The following TRIM51G variants were observed in gnomAD, a reference collection of about 807,000 sequenced individuals.
TRIM51G encodes the protein tripartite motif-containing protein 51G.
the TRIM51G span, chr11:48,981,400 G>A: frequency 1.9e-6 from 3 of 1,607,770 alleles, no homozygotes; most frequent in Admixed American, 1.7e-5. Context: ...CATCTCCTTT[G>A]TCTCTCTGTG....
the TRIM51G span, chr11:48,977,078 C>T: frequency 1.0e-6 from 1 of 987,176 alleles, no homozygotes; most frequent in Non-Finnish European, 1.6e-6. Context: ...AATGGGCTGA[C>T]ACTCACCTCT....
chr11:48,975,555 G>A, the TRIM51G span: 276,134 of 1,383,958 alleles, frequency 0.2, 31,334 homozygotes, highest in South Asian at 0.42. Context: ...AGCAATTAGG[G>A]ATGGTGTATA....
At chr11:48,980,922 C>T in the TRIM51G span, 3 of 492,540 alleles carry the variant, frequency 6.1e-6, no homozygotes, top group African/African-American at 5.9e-5. Context: ...GCATCTGATT[C>T]TGTTGGTTGC....
the TRIM51G span, among the ~76,000 whole-genome samples, chr11:48,976,884 T>G: frequency 6.6e-6 from 1 of 151,850 alleles, no homozygotes; most frequent in Non-Finnish European, 1.5e-5. Flanking sequence ...GCCCAGAATA[T>G]ATTTGTTTTT....
the TRIM51G span, chr11:48,978,988 T>C: frequency 1.3e-6 from 2 of 1,482,946 alleles, no homozygotes. Context: ...TGCTGAAAAA[T>C]GTCCTCGCCC....
chr11:48,980,180 G>C, the TRIM51G span, among the ~76,000 whole-genome samples: 1 of 151,642 alleles, frequency 6.6e-6, no homozygotes, highest in East Asian at 2.0e-4. Flanking sequence ...ACCTAGACTA[G>C]GTACTCACAA....
chr11:48,977,450 A>G, the TRIM51G span, among the ~76,000 whole-genome samples: 71 of 152,272 alleles, frequency 4.7e-4, no homozygotes, highest in African/African-American at 1.6e-3. Context: ...GACTGGGAGA[A>G]TATTCAAAAA....
the TRIM51G span, chr11:48,975,514 C>A: frequency 7.2e-7 from 1 of 1,393,286 alleles, no homozygotes; most frequent in Admixed American, 1.7e-5. Flanking sequence ...GTGACTACAG[C>A]AAATGATAGG....
chr11:48,979,613 C>G, the TRIM51G span, among the ~76,000 whole-genome samples: 1 of 152,136 alleles, frequency 6.6e-6, no homozygotes, highest in East Asian at 1.9e-4. Context: ...TGTGGTTCCT[C>G]AAACCCCCAA....
the TRIM51G span, among the ~76,000 whole-genome samples, chr11:48,977,565 AG>A: frequency 6.6e-6 from 1 of 152,162 alleles, no homozygotes. Context: ...TCTCAAGGCC[AG>A]GGTGTTGAAA....
At chr11:48,979,236 T>C in the TRIM51G span, 2 of 532,056 alleles carry the variant, frequency 3.8e-6, no homozygotes, top group South Asian at 1.8e-5. Flanking sequence ...CAAAATTTTA[T>C]TCCTTTCATT....
the TRIM51G span, among the ~76,000 whole-genome samples, chr11:48,977,830 G>T: frequency 6.6e-6 from 1 of 151,736 alleles, no homozygotes; most frequent in Non-Finnish European, 1.5e-5. Context: ...GCAATAAAAA[G>T]GAAATTAGGA....
chr11:48,981,411 C>T, the TRIM51G span: 85 of 1,607,692 alleles, frequency 5.3e-5, no homozygotes, highest in Non-Finnish European at 6.6e-5. Context: ...TCTCTCTGTG[C>T]GTCCCACATA....
the TRIM51G span, among the ~76,000 whole-genome samples, chr11:48,976,211 A>G: frequency 6.6e-5 from 10 of 152,284 alleles, no homozygotes; most frequent in Admixed American, 6.5e-4. Context: ...TTGAAAATTT[A>G]TTGAAAACTT....
At chr11:48,978,024 C>T in the TRIM51G span, 1 of 456,372 alleles carries the variant, frequency 2.2e-6, no homozygotes, top group Non-Finnish European at 4.5e-6. Flanking sequence ...GGAGAAAGTA[C>T]AACCAGCACA....
At chr11:48,975,825 C>T in the TRIM51G span, 1 of 1,397,038 alleles carries the variant, frequency 7.2e-7, no homozygotes. Flanking sequence ...CCATGTTAAA[C>T]TCCCAATAAA....
chr11:48,982,963 A>G, the TRIM51G span, among the ~76,000 whole-genome samples: 1,031 of 25,498 alleles, frequency 0.04, 53 homozygotes, highest in South Asian at 0.18. Flanking sequence ...ATACATATAT[A>G]TATATATATA....
chr11:48,979,801 C>G, the TRIM51G span, among the ~76,000 whole-genome samples: 1 of 10,968 alleles, frequency 9.1e-5, no homozygotes, highest in African/African-American at 1.5e-4. Context: ...TCATATATAT[C>G]CATATATATA....
the TRIM51G span, among the ~76,000 whole-genome samples, chr11:48,982,947 G>GTGTGTGTATATATATA: frequency 3.5e-5 from 3 of 86,140 alleles, no homozygotes; most frequent in Non-Finnish European, 6.7e-5. Context: ...AGTATTTTTG[G>GTGTGTGTATATATATA]TATATATACA....
Sources: allele counts gnomAD v4.1 joint callset (sites outside exome capture counted in the v4.1 genomes callset), GRCh38; gene constraint gnomAD v4.1.1; transcripts MANE v1.5; gene names NCBI Gene and HGNC (gene_info 2026-07-23, HGNC 2026-07-21).